The following TPPP variants were observed in gnomAD, a reference collection of about 807,000 sequenced individuals.
The protein encoded by TPPP is tubulin polymerization promoting protein, also known as tubulin polymerization-promoting protein.
Under a neutral mutation model 15.5 loss-of-function variants are expected in TPPP, and 6 were observed. The observed-to-expected ratio is 0.39, with a 90% CI of 0.21 to 0.77. The LOEUF (loss-of-function observed/expected upper bound fraction) is 0.77. Among genes scored for constraint, TPPP ranks in the 30% least tolerant of loss-of-function variants. The pLI is 0.42. For missense variants in TPPP, 269 were observed against 307.2 expected (o/e 0.88, Z 0.93); for synonymous variants, 146 against 133.9 (o/e 1.09, Z -0.63).
At chr5:678,838 G>A (rs1342772548) in intron 1 of TPPP, among the ~76,000 whole-genome samples, 1 of 152,208 alleles carries the variant, frequency 6.6e-6, no homozygotes, top group African/African-American at 2.4e-5. Context: ...ACTGAGGGGT[G>A]CCACCCAGGC....
chr5:680,515 T>G (rs1740592674), intron 1 of TPPP, among the ~76,000 whole-genome samples: 1 of 144,344 alleles, frequency 6.9e-6, no homozygotes, highest in Non-Finnish European at 1.5e-5. Context: ...GAAGAAGTAG[T>G]AGATGCAGGA....
intron 2 of TPPP, among the ~76,000 whole-genome samples, chr5:669,561 A>G: frequency 6.6e-6 from 1 of 152,010 alleles, no homozygotes; most frequent in East Asian, 1.9e-4. Flanking sequence ...TGACATGCGG[A>G]CGCCAGGCCT....
rs1739901309 is a variant in TPPP at position 666,138 on chromosome 5, G to A, written c.312-15C>T. 6.2e-7 allele frequency: 1 copy of A among 1,608,172 alleles called. No individual in the cohort carries two copies. Among genetic ancestry groups the A allele is most frequent in the African/African-American group, 1.3e-5 (1 of 74,686 alleles). On this transcript the variant is annotated splice_polypyrimidine_tract_variant and intron_variant, in intron 2 of 3. Coordinates refer to ENST00000360578, the MANE Select transcript of TPPP (RefSeq NM_007030.3). ...AAGACTTCCCTCTACAGGGGCACAG[G>A]CGACTTAGGGCTGGGCGCGGGCCGG...
At chr5:675,203 T>G (rs438984) in intron 2 of TPPP, among the ~76,000 whole-genome samples, 61 of 35,494 alleles carry the variant, frequency 1.7e-3, no homozygotes, top group African/African-American at 3.1e-3. Flanking sequence ...GGCCAGGGGT[T>G]CAGTGTAGCC....
At chr5:666,690 G>A (rs1739930842) in intron 2 of TPPP, among the ~76,000 whole-genome samples, 1 of 152,142 alleles carries the variant, frequency 6.6e-6, no homozygotes, top group Non-Finnish European at 1.5e-5. Flanking sequence ...AGCCCGGTGG[G>A]CCGGAGGTGC....
intron 2 of TPPP, chr5:676,121 G>GT (rs1740422885): frequency 6.6e-6 from 1 of 152,252 alleles, no homozygotes; most frequent in African/African-American, 2.4e-5. Flanking sequence ...GCAGTCAGCT[G>GT]GAGAGAGGGT....
Position 677,833 on chromosome 5 carries a change from C to T in TPPP, c.228G>A (p.Trp76Ter). The T allele has an allele frequency of 6.2e-7, 1 of 1,612,352 alleles. No homozygotes were observed. Among genetic ancestry groups the T allele is most frequent in the Non-Finnish European group, 8.5e-7 (1 of 1,179,616 alleles). ...ATGREMHGKNWSKLCKDCQVI... is the reference protein window; with the variant it reads ...ATGREMHGKN The stretch of plus-strand genomic sequence containing the variant: ...CCTGGCAGTCCTTGCACAGCTTCGA[C>T]CAGTTCTTGCCGTGCATCTCCCTCC... Residue 76 changes from tryptophan (W) to a stop codon, truncating the protein, a stop_gained, in exon 2 of 4, where the codon TGG becomes TGA. Transcript: ENST00000360578. LOFTEE classifies it high-confidence loss of function.
intron 2 of TPPP, chr5:676,269 G>C (rs78350330): frequency 0.014 from 2,154 of 152,378 alleles, 23 homozygotes; most frequent in Middle Eastern, 0.034. Context: ...GAACATGCAC[G>C]ACCCAGGAGA....
intron 2 of TPPP, among the ~76,000 whole-genome samples, chr5:671,068 C>CCATGAAG (rs1166461670): frequency 1.3e-5 from 2 of 152,210 alleles, no homozygotes; most frequent in African/African-American, 2.4e-5. Context: ...GGCACACCCA[C>CCATGAAG]CATGAAGCCC....
At chr5:688,389 C>T (rs1740817573) in intron 1 of TPPP, among the ~76,000 whole-genome samples, 1 of 145,144 alleles carries the variant, frequency 6.9e-6, no homozygotes, top group African/African-American at 2.5e-5. Flanking sequence ...GGACGGACCA[C>T]TCGCGCACAG....
At chr5:697,808 G>A (rs1359313528), upstream of TPPP, among the ~76,000 whole-genome samples, 5 of 149,816 alleles carry the variant, frequency 3.3e-5, no homozygotes, top group Non-Finnish European at 7.4e-5. Context: ...AAATCGAAGA[G>A]GGGGGATATC....
intron 2 of TPPP, among the ~76,000 whole-genome samples, chr5:671,979 C>G (rs1357499065): frequency 6.6e-6 from 1 of 152,200 alleles, no homozygotes; most frequent in Non-Finnish European, 1.5e-5. Flanking sequence ...ACCTGCTTTT[C>G]TGGGATGGAC....
chr5:698,511 G>A, the TPPP span, among the ~76,000 whole-genome samples: 3 of 152,092 alleles, frequency 2.0e-5, no homozygotes, highest in East Asian at 1.9e-4. Flanking sequence ...CACACGGCTG[G>A]GGAGGCCTCC....
At position 663,969 on chromosome 5, in the gene TPPP, G is replaced by A. The variant is rs28364691; in HGVS notation, c.*1133C>T. On this transcript the variant is annotated 3_prime_UTR_variant, in exon 4 of 4. Transcript: ENST00000360578. ...AGGTGCAGACAGGCAAGGGCGGGCC[G>A]CCTGGGTGTGTCCTGGCAGTGTGGA... 0.13 allele frequency: 20,316 copies of A among 152,688 alleles called. 1,725 individuals carry two copies. Among genetic ancestry groups the A allele is most frequent in the Admixed American group, 0.19 (2,897 of 15,310 alleles). 9.5% of individuals were successfully genotyped at this position (152,688 alleles called of 1,614,324 possible).
chr5:673,666 C>T (rs1179938820), intron 2 of TPPP, among the ~76,000 whole-genome samples: 5 of 152,222 alleles, frequency 3.3e-5, no homozygotes, highest in African/African-American at 1.2e-4. Context: ...AGACCTTGAC[C>T]CTCATGGTCA....
chr5:688,988 C>A (rs1740837765), intron 1 of TPPP, among the ~76,000 whole-genome samples: 1 of 99,956 alleles, frequency 1.0e-5, no homozygotes, highest in South Asian at 3.5e-4. Context: ...GACATGGCTC[C>A]CTGGCCCTGA....
At chr5:697,183 CGA>C (rs1330070238), upstream of TPPP, among the ~76,000 whole-genome samples, 6 of 131,356 alleles carry the variant, frequency 4.6e-5, no homozygotes, top group Admixed American at 3.8e-4. Flanking sequence ...TGCCAGGGAG[CGA>C]CTCTGGCCCC....
chr5:681,431 A>T (rs937306823), intron 1 of TPPP, among the ~76,000 whole-genome samples: 3 of 151,920 alleles, frequency 2.0e-5, no homozygotes, highest in Non-Finnish European at 2.9e-5. Flanking sequence ...ACATGTGCCC[A>T]GCACTCCCAG....
At chr5:684,513 C>A (rs1031118118) in intron 1 of TPPP, among the ~76,000 whole-genome samples, 1 of 152,052 alleles carries the variant, frequency 6.6e-6, no homozygotes, top group African/African-American at 2.4e-5. Flanking sequence ...GAAGCAAAAG[C>A]CACTCTCACA....
Sources: allele counts gnomAD v4.1 joint callset (sites outside exome capture counted in the v4.1 genomes callset), GRCh38; gene constraint gnomAD v4.1.1; transcripts MANE v1.5; gene names NCBI Gene and HGNC (gene_info 2026-07-23, HGNC 2026-07-21).